The following COL25A1 variants were observed in gnomAD, a reference collection of about 807,000 sequenced individuals.
The protein encoded by COL25A1 is collagen alpha-1(XXV) chain.
COL25A1 carries 103 observed loss-of-function variants against 128.4 expected under a neutral mutation model. The observed-to-expected ratio is 0.80, with a 90% CI of 0.68 to 0.94. COL25A1 has a LOEUF of 0.94. COL25A1 is among the 40% of genes least tolerant of loss of function. The pLI, the probability that COL25A1 is intolerant of heterozygous loss-of-function variation, is 0.00. For missense variants in COL25A1, 745 were observed against 840.0 expected, an observed-to-expected ratio of 0.89 and a Z score of 1.40; for synonymous variants, 279 against 277.2, an observed-to-expected ratio of 1.01 and a Z score of -0.06.
intron 3 of COL25A1, among the ~76,000 whole-genome samples, chr4:109,073,138 TGTG>T (rs1266490995): frequency 2.0e-5 from 3 of 152,232 alleles, no homozygotes; most frequent in African/African-American, 7.2e-5. Flanking sequence ...TGCATGTGTA[TGTG>T]TGTGTGGGGG....
intron 3 of COL25A1, among the ~76,000 whole-genome samples, chr4:109,140,054 T>G (rs573225867): frequency 2.0e-5 from 3 of 152,364 alleles, no homozygotes; most frequent in African/African-American, 7.2e-5. Flanking sequence ...TGCCACATTT[T>G]CTTAATCCAG....
intron 6 of COL25A1, among the ~76,000 whole-genome samples, chr4:108,988,975 T>TC (rs1395732123): frequency 6.6e-6 from 1 of 152,212 alleles, no homozygotes; most frequent in Non-Finnish European, 1.5e-5. Context: ...TGTCAGCTAC[T>TC]ACTTGTCCAC....
intron 3 of COL25A1, among the ~76,000 whole-genome samples, chr4:109,060,530 A>G (rs899483095): frequency 5.9e-5 from 9 of 152,200 alleles, no homozygotes; most frequent in Admixed American, 4.6e-4. Context: ...CAGTTGGTCT[A>G]TTTACATACA....
intron 5 of COL25A1, among the ~76,000 whole-genome samples, chr4:109,025,734 C>T (rs977752445): frequency 6.6e-6 from 1 of 152,238 alleles, no homozygotes; most frequent in East Asian, 1.9e-4. Flanking sequence ...GTGGCTGAAT[C>T]GTAATAGCTA....
intron 5 of COL25A1, among the ~76,000 whole-genome samples, chr4:109,040,732 T>G (rs893326219): frequency 1.3e-5 from 2 of 152,174 alleles, no homozygotes; most frequent in Non-Finnish European, 1.5e-5. Context: ...GTTCGGAGAC[T>G]GGACATTAGA....
intron 25 of COL25A1, 115 bp from the exon 26 acceptor site, chr4:108,852,395 A>C: frequency 1.3e-6 from 1 of 784,200 alleles, no homozygotes; most frequent in East Asian, 3.2e-5. Flanking sequence ...GATCTCCCCA[A>C]ATATAAATTT....
At chr4:108,968,364 A>G (rs1751552177) in intron 8 of COL25A1, among the ~76,000 whole-genome samples, 3 of 152,106 alleles carry the variant, frequency 2.0e-5, no homozygotes, top group African/African-American at 7.2e-5. Flanking sequence ...CACTCTCACT[A>G]CTTAACAAAA....
chr4:109,052,358 G>C (rs566599565), intron 3 of COL25A1, among the ~76,000 whole-genome samples: 1 of 152,250 alleles, frequency 6.6e-6, no homozygotes, highest in South Asian at 2.1e-4. Flanking sequence ...GTCATACTGA[G>C]AATTGAAGAA....
intron 37 of COL25A1, among the ~76,000 whole-genome samples, chr4:108,816,682 G>C (rs1731281353): frequency 6.6e-6 from 1 of 152,076 alleles, no homozygotes; most frequent in African/African-American, 2.4e-5. Context: ...CTCTTGGAAG[G>C]TCCTTGACCT....
intron 3 of COL25A1, among the ~76,000 whole-genome samples, chr4:109,103,140 G>T (rs1044175716): frequency 6.6e-6 from 1 of 152,130 alleles, no homozygotes; most frequent in South Asian, 2.1e-4. Context: ...CTTAGCTGGT[G>T]CTACAAAGAG....
chr4:109,086,144 TC>T (rs1311627937), intron 3 of COL25A1, among the ~76,000 whole-genome samples: 3 of 152,218 alleles, frequency 2.0e-5, no homozygotes, highest in Admixed American at 2.0e-4. Context: ...TTCCTGCTGT[TC>T]TTTATTTACT....
At chr4:109,081,347 T>C (rs542411895) in intron 3 of COL25A1, among the ~76,000 whole-genome samples, 149 of 152,336 alleles carry the variant, frequency 9.8e-4, no homozygotes, top group Middle Eastern at 3.4e-3. Flanking sequence ...TTAGATTAGA[T>C]AGAATATTAA....
intron 3 of COL25A1, among the ~76,000 whole-genome samples, chr4:109,067,112 C>T (rs958823784): frequency 6.6e-6 from 1 of 152,126 alleles, no homozygotes; most frequent in Non-Finnish European, 1.5e-5. Context: ...TTGGCTTTCA[C>T]ATAGGAAGAT....
chr4:109,261,059 T>C (rs868079155), intron 3 of COL25A1, among the ~76,000 whole-genome samples: 2 of 152,200 alleles, frequency 1.3e-5, no homozygotes, highest in Non-Finnish European at 2.9e-5. Context: ...GTAAAAACCA[T>C]AGAAGTGCTT....
chr4:109,213,255 T>C (rs181430243), intron 3 of COL25A1, among the ~76,000 whole-genome samples: 33 of 152,278 alleles, frequency 2.2e-4, no homozygotes, highest in African/African-American at 6.0e-4. Context: ...ACTGAGATAA[T>C]ACTAATCATA....
At chr4:109,089,565 A>G (rs982878091) in intron 3 of COL25A1, among the ~76,000 whole-genome samples, 1 of 152,186 alleles carries the variant, frequency 6.6e-6, no homozygotes, top group Admixed American at 6.6e-5. Flanking sequence ...CTTGAGGCAT[A>G]TAGGACAGTT....
intron 6 of COL25A1, among the ~76,000 whole-genome samples, chr4:108,994,528 G>T (rs918879983): frequency 2.6e-5 from 4 of 152,314 alleles, no homozygotes; most frequent in Admixed American, 6.5e-5. Context: ...CTACCTCTGT[G>T]GGCAGGGCAT....
At chr4:108,904,704 AC>A (rs1162388347) in intron 13 of COL25A1, among the ~76,000 whole-genome samples, 1 of 152,098 alleles carries the variant, frequency 6.6e-6, no homozygotes, top group Non-Finnish European at 1.5e-5. Flanking sequence ...CACATTTCAT[AC>A]TTAAAACACT....
chr4:109,202,971 G>T (rs992746168), intron 3 of COL25A1, among the ~76,000 whole-genome samples: 12 of 151,834 alleles, frequency 7.9e-5, no homozygotes, highest in Admixed American at 3.9e-4. Context: ...GAGAGAATGA[G>T]AATGAATAAT....
Sources: allele counts gnomAD v4.1 joint callset (sites outside exome capture counted in the v4.1 genomes callset), GRCh38; gene constraint gnomAD v4.1.1; transcripts MANE v1.5; gene names NCBI Gene and HGNC (gene_info 2026-07-23, HGNC 2026-07-21).